The following KAZN variants were observed in gnomAD, a reference collection of about 807,000 sequenced individuals.
KAZN encodes kazrin.
Under a neutral mutation model 87.4 loss-of-function variants are expected in KAZN, and 40 were observed. The ratio of observed to expected loss-of-function variants is 0.46; its 90% CI spans 0.36 to 0.60. The LOEUF is 0.60. Ranked by LOEUF, KAZN falls within the 20% of genes least tolerant of loss-of-function variation. The pLI is 0.00. For synonymous variants in KAZN, 466 were observed against 458.3 expected (o/e 1.02, Z -0.22); for missense variants, 898 against 1,073.9 (o/e 0.84, Z 2.29).
chr1:14,960,544 T>C, intron 1 of KAZN, 140 bp from the exon 2 acceptor site: 5 of 829,030 alleles, frequency 6.0e-6, no homozygotes, highest in Non-Finnish European at 9.2e-6. Flanking sequence ...AATAAGGCAG[T>C]GGCCTCCCTT....
intron 2 of KAZN, among the ~76,000 whole-genome samples, chr1:14,338,505 AGAGAG>A (rs141735351): frequency 0.012 from 1,324 of 109,722 alleles, 15 homozygotes; most frequent in Non-Finnish European, 0.018. Context: ...AAAAAAAAAA[AGAGAG>A]AGAGAGAGAG....
At chr1:14,503,399 G>T (rs1313316670) in intron 2 of KAZN, among the ~76,000 whole-genome samples, 1 of 151,242 alleles carries the variant, frequency 6.6e-6, no homozygotes, top group Non-Finnish European at 1.5e-5. Context: ...CAGGAGAATG[G>T]CATGAACCTG....
chr1:14,105,397 A>G (rs981992170), intron 1 of KAZN, among the ~76,000 whole-genome samples: 2 of 152,176 alleles, frequency 1.3e-5, no homozygotes, highest in African/African-American at 4.8e-5. Context: ...CAGCACATGC[A>G]AAGGCCCTGG....
At chr1:14,017,982 C>T (rs1052893382) in intron 1 of KAZN, among the ~76,000 whole-genome samples, 2 of 152,146 alleles carry the variant, frequency 1.3e-5, no homozygotes, top group Non-Finnish European at 2.9e-5. Flanking sequence ...ATCTGCCAGG[C>T]ACTGATCAAA....
At chr1:14,724,774 G>T (rs1643300459) in intron 1 of KAZN, among the ~76,000 whole-genome samples, 1 of 152,242 alleles carries the variant, frequency 6.6e-6, no homozygotes, top group Non-Finnish European at 1.5e-5. Flanking sequence ...GGCTGCGGTG[G>T]AATTGAGCCT....
intron 1 of KAZN, among the ~76,000 whole-genome samples, chr1:14,025,652 G>C (rs10803450): frequency 0.19 from 28,945 of 152,138 alleles, 3,145 homozygotes; most frequent in African/African-American, 0.28. Flanking sequence ...TCACACTTCA[G>C]TGCAGTAGCC....
At chr1:14,840,813 A>G (rs1434884900) in intron 1 of KAZN, among the ~76,000 whole-genome samples, 6 of 152,248 alleles carry the variant, frequency 3.9e-5, no homozygotes, top group African/African-American at 1.4e-4. Context: ...ATTTATTCAT[A>G]TCTATTGAAT....
chr1:14,144,666 T>A (rs1449607199), intron 1 of KAZN, among the ~76,000 whole-genome samples: 1 of 152,178 alleles, frequency 6.6e-6, no homozygotes, highest in African/African-American at 2.4e-5. Context: ...GTTACTTGGC[T>A]TATGATTCTG....
chr1:14,606,117 T>C (rs2473627), intron 1 of KAZN, among the ~76,000 whole-genome samples: 124,202 of 152,216 alleles, frequency 0.82, 50,894 homozygotes, highest in African/African-American at 0.88. Context: ...AGAGTCTGTG[T>C]TCTTATTCAT....
intron 1 of KAZN, among the ~76,000 whole-genome samples, chr1:14,850,949 A>G (rs954567254): frequency 1.3e-5 from 2 of 152,178 alleles, no homozygotes; most frequent in Non-Finnish European, 2.9e-5. Flanking sequence ...GGGCCTGCTC[A>G]CAGTACCTGA....
At chr1:14,281,163 T>C (rs959273475) in intron 2 of KAZN, among the ~76,000 whole-genome samples, 2 of 152,164 alleles carry the variant, frequency 1.3e-5, no homozygotes, top group Non-Finnish European at 2.9e-5. Flanking sequence ...TTGGTTTCCT[T>C]TGATCTAGTT....
chr1:15,044,266 T>TGGGGCAGAGCAGAACACAAGCAG (rs1673239917), intron 4 of KAZN, 107 bp downstream of exon 4: 1 of 200,264 alleles, frequency 5.0e-6, no homozygotes, highest in Non-Finnish European at 7.8e-6. Context: ...GTGGGGTGGG[T>TGGGGCAGAGCAGAACACAAGCAG]GGGGCAGAGC....
intron 1 of KAZN, chr1:13,893,899 T>A: frequency 9.8e-7 from 1 of 1,016,582 alleles, no homozygotes; most frequent in Non-Finnish European, 1.4e-6. Context: ...GATGTAAGAC[T>A]TAACTAGCTA....
chr1:14,462,026 T>A (rs940065436), intron 2 of KAZN, among the ~76,000 whole-genome samples: 1 of 151,732 alleles, frequency 6.6e-6, no homozygotes, highest in African/African-American at 2.4e-5. Flanking sequence ...AATGGGAATA[T>A]TTCCTATTTC....
At chr1:14,383,530 A>G (rs1408859289) in intron 2 of KAZN, among the ~76,000 whole-genome samples, 2 of 151,652 alleles carry the variant, frequency 1.3e-5, no homozygotes, top group African/African-American at 2.4e-5. Flanking sequence ...AGCTTTCTAC[A>G]TATGGCTAGC....
intron 1 of KAZN, among the ~76,000 whole-genome samples, chr1:14,131,321 G>A (rs898913803): frequency 1.3e-5 from 2 of 152,194 alleles, no homozygotes; most frequent in African/African-American, 4.8e-5. Context: ...AGTGTGATGA[G>A]TAAGGCCAAA....
chr1:15,050,582 C>T (rs1482532440), intron 4 of KAZN, among the ~76,000 whole-genome samples: 6 of 152,212 alleles, frequency 3.9e-5, no homozygotes, highest in African/African-American at 1.4e-4. Flanking sequence ...GTCTATGTCC[C>T]TTGTGCCTGT....
At chr1:15,101,900 C>G in intron 11 of KAZN, 126 bp downstream of exon 11, 1 of 669,394 alleles carries the variant, frequency 1.5e-6, no homozygotes, top group Non-Finnish European at 2.6e-6. Flanking sequence ...CATCCATCAT[C>G]CAGCCATCCA....
chr1:14,802,960 G>T (rs971170226), intron 1 of KAZN, among the ~76,000 whole-genome samples: 1 of 152,118 alleles, frequency 6.6e-6, no homozygotes, highest in Non-Finnish European at 1.5e-5. Flanking sequence ...CTACCTCTCC[G>T]AGCCTGATTC....
Sources: allele counts gnomAD v4.1 joint callset (sites outside exome capture counted in the v4.1 genomes callset), GRCh38; gene constraint gnomAD v4.1.1; transcripts MANE v1.5; gene names NCBI Gene and HGNC (gene_info 2026-07-23, HGNC 2026-07-21).